The following MRAS variants were observed in gnomAD, a reference collection of about 807,000 sequenced individuals.
MRAS encodes ras-related protein M-Ras.
MRAS carries 4 observed loss-of-function variants against 20.9 expected under a neutral mutation model. The ratio of observed to expected loss-of-function variants is 0.19; its 90% CI spans 0.09 to 0.44. MRAS has a LOEUF of 0.44. Ranked by LOEUF, MRAS falls within the 20% of genes least tolerant of loss-of-function variation. The pLI is 0.99. For missense variants in MRAS, 154 were observed against 277.5 expected, an observed-to-expected ratio of 0.56 and a Z score of 3.16; for synonymous variants, 98 against 102.9, an observed-to-expected ratio of 0.95 and a Z score of 0.29.
intron 1 of MRAS, among the ~76,000 whole-genome samples, chr3:138,369,716 T>C (rs2054634760): frequency 6.6e-6 from 1 of 152,106 alleles, no homozygotes; most frequent in African/African-American, 2.4e-5. Context: ...CTCCCTGTGG[T>C]CTCTGAGGGT....
At chr3:138,355,373 G>A (rs531557858) in intron 1 of MRAS, among the ~76,000 whole-genome samples, 46 of 152,300 alleles carry the variant, frequency 3.0e-4, no homozygotes, top group African/African-American at 1.1e-3. Flanking sequence ...CTGAGCTGAA[G>A]CCTGGTGTTA....
At chr3:138,402,077 C>G in intron 5 of MRAS, 93 bp from the exon 6 acceptor site, 5 of 1,257,644 alleles carry the variant, frequency 4.0e-6, no homozygotes, top group Non-Finnish European at 5.7e-6. Context: ...AACAGGCCTC[C>G]TCTGACTCAG....
intron 2 of MRAS, among the ~76,000 whole-genome samples, chr3:138,383,499 A>G (rs1427413640): frequency 6.6e-6 from 1 of 151,996 alleles, no homozygotes; most frequent in Non-Finnish European, 1.5e-5. Context: ...TCTGGTTTAT[A>G]TTATTTATGA....
At chr3:138,398,918 A>C (rs1175988449) in intron 4 of MRAS, among the ~76,000 whole-genome samples, 2 of 152,160 alleles carry the variant, frequency 1.3e-5, no homozygotes, top group East Asian at 3.9e-4. Context: ...ACAGGATGTG[A>C]AGGGGCTCCA....
At chr3:138,385,156 ATTTTTTTTTTTTTTTT>A (rs34770279) in intron 2 of MRAS, among the ~76,000 whole-genome samples, 6 of 66,504 alleles carry the variant, frequency 9.0e-5, no homozygotes, top group Non-Finnish European at 1.5e-4. Context: ...TTGATTTGTA[ATTTTTTTTTTTTTTTT>A]TTTTTTTTTT....
At chr3:138,371,637 T>G (rs145382625) in intron 1 of MRAS, among the ~76,000 whole-genome samples, 134 of 152,286 alleles carry the variant, frequency 8.8e-4, no homozygotes, top group African/African-American at 3.0e-3. Flanking sequence ...GATTAAGCTT[T>G]CCCTCCCTCG....
intron 2 of MRAS, among the ~76,000 whole-genome samples, chr3:138,391,252 T>C (rs2055126909): frequency 6.6e-6 from 1 of 152,240 alleles, no homozygotes; most frequent in African/African-American, 2.4e-5. Flanking sequence ...AAAGCTATAA[T>C]TTTCCTGTAA....
chr3:138,372,529 C>T (rs1165526092), intron 1 of MRAS, among the ~76,000 whole-genome samples: 3 of 152,134 alleles, frequency 2.0e-5, no homozygotes, highest in Non-Finnish European at 4.4e-5. Context: ...CCACTGCCCT[C>T]GTGTTAACCT....
intron 1 of MRAS, among the ~76,000 whole-genome samples, chr3:138,362,170 C>G (rs1262071164): frequency 1.3e-5 from 2 of 152,182 alleles, no homozygotes; most frequent in African/African-American, 4.8e-5. Flanking sequence ...TCTGAAGGTT[C>G]TGTGGCCTCT....
chr3:138,386,736 GCCTC>G (rs2055023670), intron 2 of MRAS, among the ~76,000 whole-genome samples: 1 of 152,168 alleles, frequency 6.6e-6, no homozygotes. Flanking sequence ...GCCCGCCTCG[GCCTC>G]CCAAAGTGCT....
intron 1 of MRAS, among the ~76,000 whole-genome samples, chr3:138,361,560 G>A (rs2054448048): frequency 6.6e-6 from 1 of 152,208 alleles, no homozygotes; most frequent in Non-Finnish European, 1.5e-5. Flanking sequence ...GCCCACCCTT[G>A]GGCAGGTGAG....
intron 1 of MRAS, chr3:138,350,140 C>T (rs2054197198): frequency 6.6e-6 from 1 of 152,182 alleles, no homozygotes; most frequent in Non-Finnish European, 1.5e-5. Context: ...ATAACTGACT[C>T]GTGTCAGAAG....
intron 1 of MRAS, among the ~76,000 whole-genome samples, chr3:138,372,658 A>G (rs2054698976): frequency 6.6e-6 from 1 of 152,224 alleles, no homozygotes; most frequent in Non-Finnish European, 1.5e-5. Context: ...TTGGTGTTGA[A>G]TAAATGATGG....
At chr3:138,380,935 A>C (rs1046148294) in intron 2 of MRAS, among the ~76,000 whole-genome samples, 45 of 151,674 alleles carry the variant, frequency 3.0e-4, no homozygotes, top group African/African-American at 9.9e-4. Context: ...ACACCCAGCT[A>C]ATTTTTGTAT....
In MRAS at chr3:138,363,819, A is replaced by ACC. The variant is rs62977360; in HGVS notation, c.-18-9033_-18-9032dup. On this transcript the variant is annotated intron_variant, in intron 1 of 5. Coordinates refer to ENST00000423968, the MANE Select transcript of MRAS (RefSeq NM_001085049.3). The stretch of plus-strand genomic sequence containing the variant: ...TGTCATGTGACCTGTTAGAGGATTT[A>ACC]CCCCCCCCCCCCCCCAAACCACAGG... 5.5e-3 allele frequency among the ~76,000 whole-genome samples: 182 copies of ACC among 32,962 alleles called. 14 individuals carry two copies. The highest frequency in any genetic ancestry group is 0.018 in the Middle Eastern group (1 of 56). The allele number at this position is 32,962 out of a possible 152,430, so 21.6% of individuals were successfully genotyped here.
intron 2 of MRAS, among the ~76,000 whole-genome samples, chr3:138,390,251 G>A (rs1254574148): frequency 6.6e-6 from 1 of 152,140 alleles, no homozygotes; most frequent in African/African-American, 2.4e-5. Flanking sequence ...GCTCCCAGCA[G>A]TTCCAGGGTC....
intron 1 of MRAS, among the ~76,000 whole-genome samples, chr3:138,372,147 CA>C (rs980280791): frequency 3.3e-5 from 5 of 151,658 alleles, no homozygotes; most frequent in African/African-American, 1.2e-4. Context: ...TCCATTTTGA[CA>C]ACAAAAAAAA....
intron 1 of MRAS, among the ~76,000 whole-genome samples, chr3:138,360,341 T>G (rs2054420828): frequency 6.6e-6 from 1 of 152,178 alleles, no homozygotes; most frequent in South Asian, 2.1e-4. Context: ...GCTCTTCTCC[T>G]GGGCTTACCA....
intron 1 of MRAS, among the ~76,000 whole-genome samples, chr3:138,358,650 A>G (rs1377928182): frequency 6.6e-6 from 1 of 152,262 alleles, no homozygotes; most frequent in African/African-American, 2.4e-5. Flanking sequence ...AATAGAACAG[A>G]GGGTGGGCCC....
Sources: gnomAD v4.1 joint callset for allele counts (sites outside exome capture counted in the v4.1 genomes callset) on GRCh38, gnomAD v4.1.1 for gene constraint, MANE v1.5 for transcripts, NCBI Gene and HGNC (gene_info 2026-07-23, HGNC 2026-07-21) for gene names.